Variants in HDAC10 observed in about 807,000 individuals in gnomAD.
HDAC10 encodes polyamine deacetylase HDAC10.
HDAC10 carries 90 observed loss-of-function variants against 82.3 expected under a neutral mutation model. The observed-to-expected ratio is 1.09, with a 90% confidence interval of 0.92 to 1.30. The LOEUF is 1.30. Ranked by LOEUF, HDAC10 falls within the 50% of genes most tolerant of loss-of-function variation. The probability of loss-of-function intolerance (pLI) is 0.00; values close to 1 mark genes in which losing one functional copy is unlikely to be tolerated. For synonymous variants in HDAC10, 456 were observed against 391.7 expected, an observed-to-expected ratio of 1.16 and a Z score of -1.94; for missense variants, 934 against 876.3, an observed-to-expected ratio of 1.07 and a Z score of -0.83.
rs1424433596 is a variant in HDAC10 at position 50,248,299 on chromosome 22, G to A, written c.1014-7C>T. The A allele has an allele frequency of 6.2e-7, 1 of 1,612,336 alleles. No homozygotes were observed. The highest frequency in any genetic ancestry group is 8.5e-7 in the Non-Finnish European group (1 of 1,179,866). On this transcript the variant is annotated splice_polypyrimidine_tract_variant and splice_region_variant and intron_variant, in intron 11 of 19. Coordinates refer to ENST00000216271, the MANE Select transcript of HDAC10 (RefSeq NM_032019.6). This position sits in a 1 kb window ranked among gnomAD's most constrained non-coding sequence, Gnocchi z 5.4. ...CTGGATGGACTCTAGGGCACTGTGA[G>A]GGAGACACAACAGTCGTGACACCTG...
In HDAC10 at chr22:50,247,989, G is replaced by A; in HGVS notation, c.1238C>T (p.Ala413Val). Reference sequence around the variant, plus strand: ...GATATCCGGCGTTGTCAGGGCAACAGCGGTGCGGACAGAGGGTGCGGGGCA... The same window carrying A: ...GATATCCGGCGTTGTCAGGGCAACAACGGTGCGGACAGAGGGTGCGGGGCA... The part of the protein sequence containing the change: ...CLCPAPSVRT[A>V]VALTTPDITL... The change falls in exon 13 of 20, where the codon GCT (alanine) becomes GTT (valine). Residue 413 changes from alanine (A) to valine (V), a missense_variant. Ala to Val is a moderately conservative substitution (Grantham distance 64, BLOSUM62 0). Transcript: ENST00000216271. 6.2e-7 allele frequency: 1 copy of A among 1,612,898 alleles called. No homozygotes were observed. Among genetic ancestry groups the A allele is most frequent in the South Asian group, 1.1e-5 (1 of 91,088 alleles).
intron 14 of HDAC10, 161 bp downstream of exon 14, chr22:50,247,531 C>T: frequency 1.8e-6 from 1 of 568,674 alleles, no homozygotes. Flanking sequence ...GATCCCCACC[C>T]CTGGGGCTGT....
At position 50,249,117 on chromosome 22, in the gene HDAC10, G is replaced by C. The variant is rs773985921; in HGVS notation, c.742C>G (p.Pro248Ala). Residue 248 changes from proline to alanine, a missense_variant, in exon 8 of 20, where the codon CCA (proline) becomes GCA (alanine). By Grantham distance (27) the Pro-to-Ala change is conservative (BLOSUM62 -1). Transcript: ENST00000216271. The surrounding 1 kb of genome is among the most constrained non-coding windows in gnomAD (Gnocchi z 4.4). The part of the protein sequence containing the change: ...YVAAFLHLLL[P>A]LAFEFDPELV... ...CGTGCAGTCACCTCAAAGGCCAGTG[G>C]GAGCAGCAGGTGCAGGAAGGCAGCC... The C allele has an allele frequency of 6.2e-7, 1 of 1,602,220 alleles. No individual in the cohort carries two copies. The highest frequency in any genetic ancestry group is 1.1e-5 in the South Asian group (1 of 88,746).
Position 50,249,714 on chromosome 22 carries a change from A to G in HDAC10, c.495-11T>C, listed in dbSNP as rs779383538. ...TCCACGACGAGGATCCTGGGTACAGACAGCGCTGGTGGCAAAGGGGCAGGG... is the reference window on the plus strand; with the variant it reads ...TCCACGACGAGGATCCTGGGTACAGGCAGCGCTGGTGGCAAAGGGGCAGGG... On this transcript the variant is annotated splice_polypyrimidine_tract_variant and intron_variant, in intron 5 of 19. Transcript: ENST00000216271. This position sits in a 1 kb window ranked among gnomAD's most constrained non-coding sequence, Gnocchi z 4.4. The G allele has an allele frequency of 6.2e-7, 1 of 1,612,514 alleles. No individual in the cohort carries two copies. Among genetic ancestry groups the G allele is most frequent in the Non-Finnish European group, 8.5e-7 (1 of 1,179,876 alleles).
Position 50,248,393 on chromosome 22 carries a change from A to G in HDAC10, c.986T>C (p.Leu329Pro), listed in dbSNP as rs369323956. ...QTLLGDPAPPLSGPMAPCQSA... is the reference protein window; with the variant it reads ...QTLLGDPAPPPSGPMAPCQSA... ...CTGACATGGCGCCATTGGCCCTGACAGGGGTGGGGCCGGGTCACCCAGCAG... is the reference window on the plus strand; with the variant it reads ...CTGACATGGCGCCATTGGCCCTGACGGGGGTGGGGCCGGGTCACCCAGCAG... The change falls in exon 11 of 20, where the codon CTG (leucine) becomes CCG (proline). Residue 329 changes from leucine (L) to proline (P), a missense_variant. Transcript: ENST00000216271. This position sits in a 1 kb window ranked among gnomAD's most constrained non-coding sequence, Gnocchi z 5.4. The G allele has an allele frequency of 8.9e-5, 143 of 1,607,630 alleles. No homozygotes were observed. The highest frequency in any genetic ancestry group is 6.7e-4 in the Admixed American group (40 of 59,882).
Position 50,245,451 on chromosome 22 carries a change from G to C in HDAC10, c.*56C>G. ...GCTTGGGGTCCGGATCGCGGCCGCG[G>C]GGCGCTGGCGTGCGGTGTCATTTCT... On this transcript the variant is annotated 3_prime_UTR_variant, in exon 20 of 20. Transcript: ENST00000216271. 1 of 747,500 alleles carries C rather than the reference G, an allele frequency of 1.3e-6. No homozygotes were observed. The highest frequency in any genetic ancestry group is 1.7e-5 in the African/African-American group (1 of 58,540). The allele number at this position is 747,500 out of a possible 1,614,324, so 46.3% of individuals were successfully genotyped here.
rs1569135573 is a variant in HDAC10, at chr22:50,248,582, C to T, written c.906+80G>A. On this transcript the variant is annotated intron_variant, in intron 10 of 19. Coordinates refer to ENST00000216271, the MANE Select transcript of HDAC10 (RefSeq NM_032019.6). The surrounding 1 kb of genome is among the most constrained non-coding windows in gnomAD (Gnocchi z 5.4). ...CGGGCAGGACGCCCCTCCCAAATAC[C>T]CCGTGGGCACCTGGCTCCCATGCTC... The T allele has an allele frequency of 1.4e-6, 2 of 1,470,686 alleles. No homozygotes were observed. Among genetic ancestry groups the T allele is most frequent in the East Asian group, 5.0e-5 (2 of 40,376 alleles). The allele number at this position is 1,470,686 out of a possible 1,614,324, so 91.1% of individuals were successfully genotyped here. A position where few individuals can be genotyped will look rare whatever the true frequency, so the allele number is the denominator to read the frequency against.
rs759380620 is a variant in HDAC10, at chr22:50,246,869, G to T, written c.1514+6C>A. On this transcript the variant is annotated splice_donor_region_variant and intron_variant, in intron 15 of 19. Coordinates refer to ENST00000216271, the MANE Select transcript of HDAC10 (RefSeq NM_032019.6). Reference sequence around the variant, plus strand: ...CAGAGGCTCAGGATGGCCAAGTGAGGCTTACCTCTGGGCTCCGTGGGACAG... The same window carrying T: ...CAGAGGCTCAGGATGGCCAAGTGAGTCTTACCTCTGGGCTCCGTGGGACAG... The T allele has an allele frequency of 6.2e-7, 1 of 1,609,546 alleles. No individual in the cohort carries two copies. Among genetic ancestry groups the T allele is most frequent in the Non-Finnish European group, 8.5e-7 (1 of 1,177,156 alleles).
chr22:50,246,104 G>T lies in HDAC10; in HGVS notation c.1651-12C>A. 1 of 1,592,436 alleles carries T rather than the reference G, an allele frequency of 6.3e-7. No individual in the cohort carries two copies. The highest frequency in any genetic ancestry group is 8.6e-7 in the Non-Finnish European group (1 of 1,166,962). On this transcript the variant is annotated splice_polypyrimidine_tract_variant and intron_variant, in intron 17 of 19. Transcript: ENST00000216271. ...AAACCACCGGTCATCTGTGGGGACAGCAGAGCCCAGCTCCTCATCTACGGA... is the reference window on the plus strand; with the variant it reads ...AAACCACCGGTCATCTGTGGGGACATCAGAGCCCAGCTCCTCATCTACGGA...
chr22:50,246,409 C>T (rs751815604), intron 16 of HDAC10, 33 bp from the exon 17 acceptor site: 5 of 1,565,120 alleles, frequency 3.2e-6, no homozygotes, highest in Non-Finnish European at 4.4e-6. Context: ...GTGTAAGGCC[C>T]TGCTCACCCT....
Position 50,250,061 on chromosome 22 carries a change from AC to A in HDAC10, c.389+1del, listed in dbSNP as rs1268441854. ...GCAGCCAGGGGAAGGGGCAGCTCTC[AC>A]CTCACCAGGGCAAGCCCATTTTGCA... On this transcript the variant is annotated splice_donor_variant, in intron 4 of 19. Coordinates refer to ENST00000216271, the MANE Select transcript of HDAC10 (RefSeq NM_032019.6). LOFTEE classifies it high-confidence loss of function. 4.3e-6 allele frequency: 7 copies of A among 1,612,320 alleles called. No homozygotes were observed. Among genetic ancestry groups the A allele is most frequent in the Middle Eastern group, 1.6e-4 (1 of 6,084 alleles).
rs761868290 is a variant in HDAC10 at position 50,249,304 on chromosome 22, GACCTGGGGCTTGAGGGTGGGC to G, written c.690+3_690+23del. 9.9e-6 allele frequency: 15 copies of G among 1,507,558 alleles called. No individual in the cohort carries two copies. Among genetic ancestry groups the G allele is most frequent in the Non-Finnish European group, 1.4e-5 (15 of 1,107,236 alleles). 93.4% of individuals were successfully genotyped at this position (1,507,558 alleles called of 1,614,324 possible). On this transcript the variant is annotated splice_donor_5th_base_variant and intron_variant, in intron 7 of 19. Coordinates refer to ENST00000216271, the MANE Select transcript of HDAC10 (RefSeq NM_032019.6). The surrounding 1 kb of genome is among the most constrained non-coding windows in gnomAD (Gnocchi z 4.4). ...GCCCAGGGGGAGGGGGCTGGGTGGG[GACCTGGGGCTTGAGGGTGGGC>G]ACCTGGTTCCAGGGCAGGTTGACAG...
rs374083465 is a variant in HDAC10, at chr22:50,248,843, G to A, written c.804C>T (p.Ile268=). 3.7e-6 allele frequency: 6 copies of A among 1,611,154 alleles called. No homozygotes were observed. Among genetic ancestry groups the A allele is most frequent in the Middle Eastern group, 1.7e-4 (1 of 6,054 alleles). ...GCAAGGCCCTCACCTCAGGGTCCCC[G>A]ATGGCTGAGTCAAATCCTGCCGAGA... The part of the protein sequence containing the change: ...VLVSAGFDSA[I]GDPEGQMQAT... Residue 268 remains isoleucine (I), a synonymous_variant, in exon 9 of 20, where the codon ATC becomes ATT. Coordinates refer to ENST00000216271, the MANE Select transcript of HDAC10 (RefSeq NM_032019.6). The surrounding 1 kb of genome is among the most constrained non-coding windows in gnomAD (Gnocchi z 5.4).
At position 50,249,036 on chromosome 22, in the gene HDAC10, T is replaced by C; in HGVS notation, c.756+67A>G. On this transcript the variant is annotated intron_variant, in intron 8 of 19. Transcript: ENST00000216271. The surrounding 1 kb of genome is among the most constrained non-coding windows in gnomAD (Gnocchi z 4.4). ...CTCATAACCCTCCTCCTGCCTTCACTGGCGCACTCCAGGCACAAGGTCCCC... is the reference window on the plus strand; with the variant it reads ...CTCATAACCCTCCTCCTGCCTTCACCGGCGCACTCCAGGCACAAGGTCCCC... 2 of 1,469,986 alleles carry C rather than the reference T, an allele frequency of 1.4e-6. No homozygotes were observed. The highest frequency in any genetic ancestry group is 1.9e-6 in the Non-Finnish European group (2 of 1,071,546). The allele number at this position is 1,469,986 out of a possible 1,614,324, so 91.1% of individuals were successfully genotyped here. A position where few individuals can be genotyped will look rare whatever the true frequency, so the allele number is the denominator to read the frequency against.
chr22:50,249,233 G>T lies in HDAC10; in HGVS notation c.691-65C>A. 9.1e-7 allele frequency: 1 copy of T among 1,098,602 alleles called. No homozygotes were observed. The allele number at this position is 1,098,602 out of a possible 1,614,324, so 68.1% of individuals were successfully genotyped here. A position where few individuals can be genotyped will look rare whatever the true frequency, so the allele number is the denominator to read the frequency against. On this transcript the variant is annotated intron_variant, in intron 7 of 19. Transcript: ENST00000216271. This position sits in a 1 kb window ranked among gnomAD's most constrained non-coding sequence, Gnocchi z 4.4. ...AGGGGAGGGGCCCGGGGGAGGGGGT[G>T]GGTGGGGACCTGGGGCTTGAGGGTG...
chr22:50,250,490 C>A lies in HDAC10; in HGVS notation c.228G>T (p.Gln76His). ...PEYVSLVRET[Q>H]VLGKEELQAL... ...CCTGCAGCTCCTCCTTGCCTAGGAC[C>A]TGGGTCTCCCTGACCAGGGATACAT... Residue 76 changes from glutamine to histidine, a missense_variant, in exon 3 of 20, where the codon CAG (glutamine) becomes CAT (histidine). Transcript: ENST00000216271. 1.2e-6 allele frequency: 2 copies of A among 1,612,880 alleles called. No homozygotes were observed. The highest frequency in any genetic ancestry group is 1.3e-5 in the African/African-American group (1 of 75,040).
At position 50,250,792 on chromosome 22, in the gene HDAC10, T is replaced by A; in HGVS notation, c.173A>T (p.Glu58Val). 1.9e-6 allele frequency: 3 copies of A among 1,602,600 alleles called. No individual in the cohort carries two copies. Among genetic ancestry groups the A allele is most frequent in the East Asian group, 2.2e-5 (1 of 44,502 alleles). The change falls in exon 2 of 20, where the codon GAG becomes GTG. Residue 58 changes from glutamate (E) to valine (V), a missense_variant. Glu to Val is a moderately radical substitution (Grantham distance 121). Coordinates refer to ENST00000216271, the MANE Select transcript of HDAC10 (RefSeq NM_032019.6). ...TGACCTGTGCACCAGGCCCAGCTCC[T>A]CTTCCGAGGCCTCGCGGGCTGACAA... ...LRLSAREASE[E>V]ELGLVHSPEY...
At chr22:50,250,732 C>CGCCCCGCCCCCCATCGTGGGGCCT in intron 2 of HDAC10, 39 bp downstream of exon 2, 1 of 1,521,436 alleles carries the variant, frequency 6.6e-7, no homozygotes, top group Non-Finnish European at 8.8e-7. Flanking sequence ...CTGGGCTGCC[C>CGCCCCGCCCCCCATCGTGGGGCCT]GCCCCGCCCC....
Position 50,248,078 on chromosome 22 carries a change from A to G in HDAC10, c.1149T>C (p.Pro383=), listed in dbSNP as rs750276750. Residue 383 remains proline, a synonymous_variant, in exon 13 of 20, where the codon CCT becomes CCC. Coordinates refer to ENST00000216271, the MANE Select transcript of HDAC10 (RefSeq NM_032019.6). The surrounding 1 kb of genome is among the most constrained non-coding windows in gnomAD (Gnocchi z 5.4). ...SPEGRPPPLL[P]GGPVCKAAAS... is the part of the protein sequence containing the mutation. The stretch of plus-strand genomic sequence containing the variant: ...CAGCTGCCTTACACACTGGACCCCC[A>G]GGCAGCAGAGGTGGAGGCCTCCCCT... 1 of 1,601,214 alleles carries G rather than the reference A, an allele frequency of 6.2e-7. No homozygotes were observed.
Sources: gnomAD v4.1 joint callset for allele counts on GRCh38, gnomAD v4.1.1 for gene constraint, Gnocchi (gnomAD v3.1) non-coding constraint, MANE v1.5 for transcripts, NCBI Gene and HGNC (gene_info 2026-07-23, HGNC 2026-07-21) for gene names.